RBFOX1: variants seen among roughly 807,000 people sequenced by gnomAD.
RBFOX1 encodes the protein RNA binding fox-1 homolog 1.
Under a neutral mutation model 57.7 loss-of-function variants are expected in RBFOX1, and 8 were observed. The ratio of observed to expected loss-of-function variants is 0.14; its 90% confidence interval spans 0.08 to 0.25. The LOEUF is 0.25. RBFOX1 is among the 10% of genes least tolerant of loss of function. The pLI is 1.00. For missense variants in RBFOX1, 611 were observed against 548.5 expected, an observed-to-expected ratio of 1.11 and a Z score of -1.14; for synonymous variants, 326 against 222.4, an observed-to-expected ratio of 1.47 and a Z score of -4.15.
intron 4 of RBFOX1, among the ~76,000 whole-genome samples, chr16:7,221,367 T>A (rs11077150): frequency 0.1 from 11,018 of 109,464 alleles, 486 homozygotes; most frequent in East Asian, 0.14. Flanking sequence ...TTATTTATTT[T>A]TTTATTTATT....
At chr16:6,186,882 C>G (rs898435199) in intron 1 of RBFOX1, among the ~76,000 whole-genome samples, 2 of 152,076 alleles carry the variant, frequency 1.3e-5, no homozygotes, top group African/African-American at 4.8e-5. Flanking sequence ...GAACAAAGGC[C>G]CCCGAGTTGG....
intron 3 of RBFOX1, among the ~76,000 whole-genome samples, chr16:6,944,493 C>T (rs1055776726): frequency 1.3e-5 from 2 of 151,908 alleles, no homozygotes; most frequent in Non-Finnish European, 2.9e-5. Flanking sequence ...ACATAGGTGA[C>T]AGTGACTTTG....
At chr16:6,873,633 C>G (rs1168288146) in intron 3 of RBFOX1, among the ~76,000 whole-genome samples, 1 of 152,056 alleles carries the variant, frequency 6.6e-6, no homozygotes, top group African/African-American at 2.4e-5. Flanking sequence ...GATTTTACAC[C>G]AGCCATGAGA....
chr16:7,129,099 G>A (rs940789838), intron 4 of RBFOX1, among the ~76,000 whole-genome samples: 2 of 152,110 alleles, frequency 1.3e-5, no homozygotes, highest in East Asian at 1.9e-4. Flanking sequence ...GATTACAGGT[G>A]TGAGCCACGG....
chr16:5,401,239 T>G (rs1271436303), intron 1 of RBFOX1, among the ~76,000 whole-genome samples: 2 of 152,224 alleles, frequency 1.3e-5, no homozygotes, highest in African/African-American at 4.8e-5. Context: ...TATTTGGAAT[T>G]CATTTTGTGT....
intron 2 of RBFOX1, among the ~76,000 whole-genome samples, chr16:6,574,709 T>TG (rs1314856967): frequency 8.1e-3 from 3 of 370 alleles, no homozygotes; most frequent in African/African-American, 0.029. Context: ...ATTACAGGCG[T>TG]GACTACCGCG....
intron 2 of RBFOX1, among the ~76,000 whole-genome samples, chr16:6,506,916 G>A (rs1383538691): frequency 6.6e-6 from 1 of 152,130 alleles, no homozygotes; most frequent in East Asian, 1.9e-4. Context: ...CCAAAGTGCT[G>A]GGGTTACAGT....
chr16:7,092,422 T>G (rs534778806), intron 4 of RBFOX1, among the ~76,000 whole-genome samples: 3 of 152,390 alleles, frequency 2.0e-5, no homozygotes, highest in African/African-American at 7.2e-5. Context: ...AACTTACTGT[T>G]TTGTAACCTG....
chr16:6,234,990 C>T (rs770956628), intron 1 of RBFOX1, among the ~76,000 whole-genome samples: 4 of 152,098 alleles, frequency 2.6e-5, no homozygotes, highest in African/African-American at 9.7e-5. Context: ...TTGCAGATTC[C>T]TTTGAGCCTG....
chr16:7,190,542 G>A (rs565698956), intron 4 of RBFOX1, among the ~76,000 whole-genome samples: 1 of 151,934 alleles, frequency 6.6e-6, no homozygotes, highest in South Asian at 2.1e-4. Context: ...TGATGAGCTG[G>A]AGAGTGACCT....
At chr16:6,931,732 G>A (rs2076594877) in intron 3 of RBFOX1, among the ~76,000 whole-genome samples, 1 of 152,146 alleles carries the variant, frequency 6.6e-6, no homozygotes, top group African/African-American at 2.4e-5. Flanking sequence ...CCTGTTGCTT[G>A]TGCAGATCTC....
At chr16:6,521,131 A>G (rs1297068912) in intron 2 of RBFOX1, among the ~76,000 whole-genome samples, 4 of 152,266 alleles carry the variant, frequency 2.6e-5, no homozygotes, top group Non-Finnish European at 4.4e-5. Context: ...AGAGGCTCAA[A>G]ATGGTGTTTT....
chr16:6,716,152 G>A (rs997785169), intron 3 of RBFOX1, among the ~76,000 whole-genome samples: 1 of 152,194 alleles, frequency 6.6e-6, no homozygotes, highest in African/African-American at 2.4e-5. Flanking sequence ...ACTTAGATAG[G>A]TTGCTTTATT....
rs374344572 is a variant in RBFOX1 at position 5,477,175 on chromosome 16, C to A, written c.258+9921C>A. ...AAGCACAGGCGCATGCCACTACATC[C>A]AGCTAATTTTAAAAATTATTTGTAG... On this transcript the variant is annotated intron_variant, in intron 2 of 2. Coordinates refer to the RBFOX1 transcript ENST00000585867. Among the ~76,000 whole-genome samples, 70 of 152,282 alleles carry A rather than the reference C, an allele frequency of 4.6e-4. 2 individuals carry two copies. The highest frequency in any genetic ancestry group is 3.4e-3 in the Middle Eastern group (1 of 294).
intron 1 of RBFOX1, among the ~76,000 whole-genome samples, chr16:5,386,702 C>T (rs990044170): frequency 6.6e-6 from 1 of 152,132 alleles, no homozygotes; most frequent in South Asian, 2.1e-4. Context: ...TGGCCACCTC[C>T]TTGATTCCCC....
chr16:7,185,057 G>A (rs138937967), intron 4 of RBFOX1, among the ~76,000 whole-genome samples: 2 of 152,264 alleles, frequency 1.3e-5, no homozygotes, highest in African/African-American at 4.8e-5. Flanking sequence ...TTGAAATTGT[G>A]CAGTAAGTAC....
intron 2 of RBFOX1, among the ~76,000 whole-genome samples, chr16:6,645,778 T>C (rs1018012031): frequency 6.6e-6 from 1 of 152,180 alleles, no homozygotes; most frequent in African/African-American, 2.4e-5. Context: ...ACTTGCCATA[T>C]GCTAAGACCC....
At chr16:6,175,380 A>G (rs75830817) in intron 1 of RBFOX1, among the ~76,000 whole-genome samples, 5,230 of 152,236 alleles carry the variant, frequency 0.034, 289 homozygotes, top group African/African-American at 0.12. Context: ...CTGGAGATTT[A>G]TGATGCGCAT....
intron 4 of RBFOX1, among the ~76,000 whole-genome samples, chr16:7,383,443 A>C (rs903608179): frequency 6.6e-6 from 1 of 152,082 alleles, no homozygotes; most frequent in Non-Finnish European, 1.5e-5. Flanking sequence ...CATTGAAATA[A>C]TCTCTTGAAT....
Sources: allele counts gnomAD v4.1 joint callset (sites outside exome capture counted in the v4.1 genomes callset), GRCh38; gene constraint gnomAD v4.1.1; transcripts MANE v1.5; gene names NCBI Gene and HGNC (gene_info 2026-07-23, HGNC 2026-07-21).